ADGRV1: variants seen among roughly 807,000 people sequenced by gnomAD.
The protein encoded by ADGRV1 is adhesion G protein-coupled receptor V1.
ADGRV1 carries 359 observed loss-of-function variants against 596.2 expected under a neutral mutation model. The ratio of observed to expected loss-of-function variants is 0.60; its 90% CI spans 0.55 to 0.66. ADGRV1 has a LOEUF of 0.66. Among genes scored for constraint, ADGRV1 ranks in the 30% least tolerant of loss-of-function variants. The pLI, the probability that ADGRV1 is intolerant of heterozygous loss-of-function variation, is 0.00. For missense variants in ADGRV1, 7,274 were observed against 7,575.6 expected, an observed-to-expected ratio of 0.96 and a Z score of 1.48; for synonymous variants, 2,681 against 2,679.2, an observed-to-expected ratio of 1.00 and a Z score of -0.02.
Position 90,756,453 on chromosome 5 carries a change from G to A in ADGRV1, c.11581-1G>A. 2 of 1,497,100 alleles carry A rather than the reference G, an allele frequency of 1.3e-6. No individual in the cohort carries two copies. Among genetic ancestry groups the A allele is most frequent in the Non-Finnish European group, 1.8e-6 (2 of 1,118,884 alleles). 92.7% of individuals were successfully genotyped at this position (1,497,100 alleles called of 1,614,324 possible). The stretch of plus-strand genomic sequence containing the variant: ...CACCATCTTTTTCCCCCATCCCCCA[G>A]GATGACCTTCCTGAATTGGAGGAAG... On this transcript the variant is annotated splice_acceptor_variant, in intron 55 of 89. Coordinates refer to ENST00000405460, the MANE Select transcript of ADGRV1 (RefSeq NM_032119.4). LOFTEE classifies it high-confidence loss of function.
At chr5:90,856,870 T>C (rs930202072) in intron 82 of ADGRV1, among the ~76,000 whole-genome samples, 2 of 152,210 alleles carry the variant, frequency 1.3e-5, no homozygotes, top group Admixed American at 6.5e-5. Flanking sequence ...ACATTCTGCT[T>C]TAGTGATATT....
At chr5:90,875,954 TATAA>T (rs1769183237) in intron 83 of ADGRV1, among the ~76,000 whole-genome samples, 1 of 152,220 alleles carries the variant, frequency 6.6e-6, no homozygotes, top group Non-Finnish European at 1.5e-5. Flanking sequence ...AAAATATGGC[TATAA>T]ATATCAAGGT....
chr5:91,047,922 G>T (rs1785971330), intron 85 of ADGRV1, among the ~76,000 whole-genome samples: 1 of 152,114 alleles, frequency 6.6e-6, no homozygotes, highest in Non-Finnish European at 1.5e-5. Context: ...TAGTCTTGAC[G>T]CAATTATTTA....
intron 7 of ADGRV1, among the ~76,000 whole-genome samples, chr5:90,628,221 A>AAAATAAAATAAAATG (rs1765049112): frequency 2.1e-5 from 1 of 48,460 alleles, no homozygotes; most frequent in Non-Finnish European, 4.5e-5. Flanking sequence ...CCCCGCCCAC[A>AAAATAAAATAAAATG]AAATAAAATA....
intron 85 of ADGRV1, among the ~76,000 whole-genome samples, chr5:90,993,811 A>G (rs1211652546): frequency 6.6e-6 from 1 of 152,006 alleles, no homozygotes; most frequent in Non-Finnish European, 1.5e-5. Context: ...CCATTGTTTT[A>G]TCAAATATCC....
intron 77 of ADGRV1, among the ~76,000 whole-genome samples, chr5:90,832,046 C>G (rs997502724): frequency 4.6e-5 from 7 of 152,166 alleles, no homozygotes; most frequent in Admixed American, 4.6e-4. Context: ...CATGAGAGTG[C>G]AGGTATCTCT....
At chr5:90,755,802 G>A (rs1755770353) in intron 55 of ADGRV1, among the ~76,000 whole-genome samples, 3 of 148,302 alleles carry the variant, frequency 2.0e-5, no homozygotes. Context: ...TATATAAATA[G>A]TATTAATCTT....
At chr5:90,598,748 G>C (rs1334304235) in intron 1 of ADGRV1, among the ~76,000 whole-genome samples, 3 of 152,220 alleles carry the variant, frequency 2.0e-5, no homozygotes, top group African/African-American at 7.2e-5. Context: ...TCCTGCCAGT[G>C]TGATGCATGG....
intron 86 of ADGRV1, among the ~76,000 whole-genome samples, chr5:91,097,317 C>G (rs1241391980): frequency 6.6e-6 from 1 of 152,216 alleles, no homozygotes; most frequent in Non-Finnish European, 1.5e-5. Context: ...GGGCTCTACT[C>G]TCACAACCTA....
chr5:90,932,051 C>T (rs1775299009), intron 83 of ADGRV1, among the ~76,000 whole-genome samples: 1 of 152,034 alleles, frequency 6.6e-6, no homozygotes, highest in Non-Finnish European at 1.5e-5. Context: ...ATAAATTTTC[C>T]ACTTGCTAGA....
chr5:91,018,780 A>G (rs1174842989), intron 85 of ADGRV1, among the ~76,000 whole-genome samples: 2 of 152,066 alleles, frequency 1.3e-5, no homozygotes, highest in Non-Finnish European at 2.9e-5. Context: ...AATACAAATG[A>G]CAGAAATCCA....
rs188662563 is a variant in ADGRV1, at chr5:90,652,687, A to C, written c.3634+124A>C. 3.4e-4 allele frequency: 206 copies of C among 612,562 alleles called. No homozygotes were observed. The African/African-American group carries it at 3.5e-3, about 10-fold the overall frequency. The allele number at this position is 612,562 out of a possible 1,614,324, so 37.9% of individuals were successfully genotyped here. On this transcript the variant is annotated intron_variant, in intron 19 of 89. Transcript: ENST00000405460. ...TTGGTGAAGTATTTGTGTCATGACTATCTGATTTTAAATGTTAAAATACCC... is the reference window on the plus strand; with the variant it reads ...TTGGTGAAGTATTTGTGTCATGACTCTCTGATTTTAAATGTTAAAATACCC...
chr5:91,027,588 G>C (rs532338094), intron 85 of ADGRV1, among the ~76,000 whole-genome samples: 2 of 152,244 alleles, frequency 1.3e-5, no homozygotes, highest in Admixed American at 1.3e-4. Flanking sequence ...AAGGCAAACT[G>C]GAATGAACTG....
At chr5:90,729,815 G>T (rs2149820295) in intron 50 of ADGRV1, 51 bp downstream of exon 50, 2 of 1,572,476 alleles carry the variant, frequency 1.3e-6, no homozygotes, top group Middle Eastern at 3.3e-4. Flanking sequence ...TGGAAAGCCA[G>T]AATGATTTTA....
chr5:91,124,207 A>G (rs776492270), intron 87 of ADGRV1, among the ~76,000 whole-genome samples: 5 of 152,208 alleles, frequency 3.3e-5, no homozygotes, highest in Non-Finnish European at 7.3e-5. Context: ...TATTCATTAC[A>G]GTGAGTTCCA....
chr5:90,627,961 C>CACACACAA (rs1491307206), intron 7 of ADGRV1, 185 bp downstream of exon 7: 6 of 384,874 alleles, frequency 1.6e-5, no homozygotes, highest in Admixed American at 4.3e-5. Context: ...CACACACACA[C>CACACACAA]AAGAATATGT....
chr5:90,639,047 A>G (rs1442664742), intron 11 of ADGRV1, among the ~76,000 whole-genome samples: 2 of 150,480 alleles, frequency 1.3e-5, no homozygotes, highest in East Asian at 3.9e-4. Flanking sequence ...AAACAAAAAA[A>G]CCAAAAAGCA....
intron 85 of ADGRV1, among the ~76,000 whole-genome samples, chr5:91,029,054 T>C (rs755200148): frequency 3.9e-5 from 6 of 152,116 alleles, no homozygotes; most frequent in Non-Finnish European, 8.8e-5. Context: ...AGAACTTTTT[T>C]CTTTAGGGTT....
chr5:90,564,782 G>GCGCCCGCCACTA (rs1561294948), intron 1 of ADGRV1, among the ~76,000 whole-genome samples: 8 of 90,184 alleles, frequency 8.9e-5, no homozygotes, highest in East Asian at 3.3e-4. Context: ...GCCCGCCACT[G>GCGCCCGCCACTA]CGCCCGGCTA....
Sources: gnomAD v4.1 joint callset for allele counts (sites outside exome capture counted in the v4.1 genomes callset) on GRCh38, gnomAD v4.1.1 for gene constraint, MANE v1.5 for transcripts, NCBI Gene and HGNC (gene_info 2026-07-23, HGNC 2026-07-21) for gene names.